The following LARGE1 variants were observed in gnomAD, a reference collection of about 807,000 sequenced individuals.
LARGE1 encodes the protein xylosyl- and glucuronyltransferase LARGE1.
LARGE1 carries 43 observed loss-of-function variants against 87.6 expected under a neutral mutation model. The observed-to-expected ratio is 0.49, with a 90% CI of 0.38 to 0.63. LARGE1 has a LOEUF of 0.63. Ranked by LOEUF, LARGE1 falls within the 30% of genes least tolerant of loss-of-function variation. The pLI is 0.00. For missense variants in LARGE1, 802 were observed against 1,000.2 expected (o/e 0.80, Z 2.67); for synonymous variants, 434 against 394.6 (o/e 1.10, Z -1.18).
intron 11 of LARGE1, among the ~76,000 whole-genome samples, chr22:33,247,182 C>A (rs767515279): frequency 6.7e-5 from 10 of 150,020 alleles, no homozygotes; most frequent in African/African-American, 1.5e-4. Flanking sequence ...AAAAACAAAA[C>A]CAAAATGTTC....
chr22:33,825,265 T>C (rs542634660), intron 1 of LARGE1, among the ~76,000 whole-genome samples: 1 of 152,308 alleles, frequency 6.6e-6, no homozygotes, highest in African/African-American at 2.4e-5. Context: ...AATACGGATA[T>C]TTATCCAGTC....
chr22:33,540,909 G>A (rs569190652), intron 6 of LARGE1, among the ~76,000 whole-genome samples: 70 of 151,918 alleles, frequency 4.6e-4, no homozygotes, highest in African/African-American at 1.5e-3. Flanking sequence ...GGAGGTAGGC[G>A]GATTGCTTGA....
At chr22:33,211,964 T>C (rs1924986373) in intron 11 of LARGE1, among the ~76,000 whole-genome samples, 1 of 151,952 alleles carries the variant, frequency 6.6e-6, no homozygotes, top group Non-Finnish European at 1.5e-5. Context: ...CTGAGAGAGG[T>C]GAGGAAGCTG....
intron 7 of LARGE1, among the ~76,000 whole-genome samples, chr22:33,399,140 C>A (rs1375235702): frequency 6.6e-6 from 1 of 152,100 alleles, no homozygotes; most frequent in Non-Finnish European, 1.5e-5. Flanking sequence ...CCGCTTCCCC[C>A]CGCCCCGACC....
At chr22:33,889,697 G>A (rs893408971) in intron 1 of LARGE1, among the ~76,000 whole-genome samples, 2 of 152,198 alleles carry the variant, frequency 1.3e-5, no homozygotes, top group Admixed American at 1.3e-4. Flanking sequence ...TACTCACGGA[G>A]GCACCTACAA....
At chr22:33,753,846 G>A (rs544379014) in intron 2 of LARGE1, among the ~76,000 whole-genome samples, 1 of 152,128 alleles carries the variant, frequency 6.6e-6, no homozygotes, top group Non-Finnish European at 1.5e-5. Flanking sequence ...GGTCACCTGA[G>A]GTCAGGAGTT....
chr22:33,819,258 G>A (rs1000335824), intron 1 of LARGE1, among the ~76,000 whole-genome samples: 2 of 141,120 alleles, frequency 1.4e-5, no homozygotes, highest in African/African-American at 5.2e-5. Flanking sequence ...TCCCAGTGGT[G>A]TGTGAGTACA....
At chr22:33,078,864 C>A in the LARGE1 span, among the ~76,000 whole-genome samples, 1 of 152,178 alleles carries the variant, frequency 6.6e-6, no homozygotes, top group Non-Finnish European at 1.5e-5. Flanking sequence ...GAGGTCAGGG[C>A]AAGCTCCACA....
At chr22:33,281,484 C>G (rs1001890245) in intron 13 of LARGE1, among the ~76,000 whole-genome samples, 1 of 152,110 alleles carries the variant, frequency 6.6e-6, no homozygotes, top group African/African-American at 2.4e-5. Context: ...CCAGGCTCTG[C>G]TATTTACTGG....
intron 7 of LARGE1, among the ~76,000 whole-genome samples, chr22:33,390,683 TTG>T (rs1482797027): frequency 1.2e-4 from 16 of 130,760 alleles, no homozygotes; most frequent in Non-Finnish European, 2.0e-4. Context: ...TCTGCTTTTG[TTG>T]TGTGTTTTTT....
At position 33,297,687 on chromosome 22, in the gene LARGE1, T is replaced by A. The variant is rs1933506705; in HGVS notation, c.1730+6542A>T. Among the ~76,000 whole-genome samples, 3 of 151,040 alleles carry A rather than the reference T, an allele frequency of 2.0e-5. No homozygotes were observed. In the South Asian group the frequency reaches 6.3e-4, roughly 31 times the overall value. Reference sequence around the variant, plus strand: ...AGGACAGTAGAGATACTTTACACTTTGGGCATGGATTAAAGATGAGGATTC... The same window carrying A: ...AGGACAGTAGAGATACTTTACACTTAGGGCATGGATTAAAGATGAGGATTC... On this transcript the variant is annotated intron_variant, in intron 12 of 14. Coordinates refer to ENST00000397394, the MANE Select transcript of LARGE1 (RefSeq NM_133642.5).
chr22:33,359,997 G>A lies in LARGE1; in HGVS notation c.1131+21922C>T, dbSNP rs994008110. Among the ~76,000 whole-genome samples the A allele has an allele frequency of 4.7e-5, 7 of 149,416 alleles. 1 individual carries two copies. Among genetic ancestry groups the A allele is most frequent in the Non-Finnish European group, 8.9e-5 (6 of 67,082 alleles). On this transcript the variant is annotated intron_variant, in intron 9 of 14. Transcript: ENST00000397394. The stretch of plus-strand genomic sequence containing the variant: ...GTCCTGAGTTTTGGGTTAAATGAAG[G>A]TTGCCAGTTAGAGTTCTGTATTAGT...
intron 5 of LARGE1, among the ~76,000 whole-genome samples, chr22:33,593,630 A>G (rs894158875): frequency 6.6e-6 from 1 of 152,186 alleles, no homozygotes; most frequent in African/African-American, 2.4e-5. Context: ...TGTGTTACTG[A>G]GCACTTAAAA....
chr22:33,620,176 A>G (rs1030510034), intron 4 of LARGE1, among the ~76,000 whole-genome samples: 7 of 152,260 alleles, frequency 4.6e-5, no homozygotes, highest in African/African-American at 1.7e-4. Flanking sequence ...GTTTAAAAAA[A>G]CAAAACCAAA....
intron 6 of LARGE1, among the ~76,000 whole-genome samples, chr22:33,519,263 C>T (rs2071458193): frequency 6.9e-6 from 1 of 144,660 alleles, no homozygotes; most frequent in East Asian, 2.0e-4. Flanking sequence ...TGTGTGGTCA[C>T]ATATGCCTCA....
At chr22:33,637,875 G>A (rs2080314239) in intron 3 of LARGE1, among the ~76,000 whole-genome samples, 1 of 152,130 alleles carries the variant, frequency 6.6e-6, no homozygotes, top group Non-Finnish European at 1.5e-5. Context: ...GACATTTTAA[G>A]TTGTTAAGTT....
chr22:33,735,227 A>C (rs1316528153), intron 2 of LARGE1, among the ~76,000 whole-genome samples: 1 of 152,140 alleles, frequency 6.6e-6, no homozygotes, highest in Non-Finnish European at 1.5e-5. Context: ...TGTATTTGAT[A>C]TTTGCCTTCC....
intron 6 of LARGE1, among the ~76,000 whole-genome samples, chr22:33,495,573 G>C (rs920155546): frequency 6.6e-6 from 1 of 152,060 alleles, no homozygotes; most frequent in Non-Finnish European, 1.5e-5. Context: ...ACAAAAATTA[G>C]CTGGGCGTGG....
At chr22:33,129,274 G>A in the LARGE1 span, among the ~76,000 whole-genome samples, 4 of 152,148 alleles carry the variant, frequency 2.6e-5, no homozygotes, top group Non-Finnish European at 4.4e-5. Flanking sequence ...GGGGTAGCAT[G>A]AGGGAGTTTC....
Sources: gnomAD v4.1 joint callset for allele counts (sites outside exome capture counted in the v4.1 genomes callset) on GRCh38, gnomAD v4.1.1 for gene constraint, MANE v1.5 for transcripts, NCBI Gene and HGNC (gene_info 2026-07-23, HGNC 2026-07-21) for gene names.